The following ZBTB40 variants were observed in gnomAD, a reference collection of about 807,000 sequenced individuals.
ZBTB40 encodes zinc finger and BTB domain containing 40, also known as zinc finger and BTB domain-containing protein 40.
Under a neutral mutation model 117.5 loss-of-function variants are expected in ZBTB40, and 60 were observed. The observed-to-expected ratio is 0.51, with a 90% CI of 0.41 to 0.63. The LOEUF (loss-of-function observed/expected upper bound fraction) is 0.63. Ranked by LOEUF, ZBTB40 falls within the 30% of genes least tolerant of loss-of-function variation. The probability of loss-of-function intolerance (pLI) is 0.00; values close to 1 mark genes in which losing one functional copy is unlikely to be tolerated. For synonymous variants in ZBTB40, 525 were observed against 577.1 expected (o/e 0.91, Z 1.29); for missense variants, 1,287 against 1,498.5 (o/e 0.86, Z 2.33).
At chr1:22,488,819 G>T (rs1377269700) in intron 1 of ZBTB40, among the ~76,000 whole-genome samples, 1 of 152,186 alleles carries the variant, frequency 6.6e-6, no homozygotes, top group African/African-American at 2.4e-5. Context: ...GTAGCAGTAG[G>T]GGAGGATGGA....
At chr1:22,452,596 C>T (rs773199587) in intron 1 of ZBTB40, 2 of 152,288 alleles carry the variant, frequency 1.3e-5, no homozygotes, top group African/African-American at 4.8e-5. Context: ...GTTGCGCAGC[C>T]GTTGCTTGGC....
chr1:22,498,037 A>T (rs544808269), intron 3 of ZBTB40, among the ~76,000 whole-genome samples: 1 of 152,350 alleles, frequency 6.6e-6, no homozygotes, highest in African/African-American at 2.4e-5. Context: ...AAGTCAACTC[A>T]GTTAAAAGGC....
At chr1:22,433,040 C>T (rs1302030321) in intron 1 of ZBTB40, among the ~76,000 whole-genome samples, 1 of 152,150 alleles carries the variant, frequency 6.6e-6, no homozygotes, top group Admixed American at 6.6e-5. Flanking sequence ...ACCATGCAGT[C>T]AGCCTTCTGT....
chr1:22,479,913 G>T (rs1210446035), intron 1 of ZBTB40, among the ~76,000 whole-genome samples: 1 of 151,766 alleles, frequency 6.6e-6, no homozygotes, highest in Non-Finnish European at 1.5e-5. Flanking sequence ...TAAGTTCTTT[G>T]TTTTTTTGGG....
At chr1:22,501,758 C>G in intron 4 of ZBTB40, 74 bp downstream of exon 4, 1 of 1,490,478 alleles carries the variant, frequency 6.7e-7, no homozygotes, top group Non-Finnish European at 9.2e-7. Context: ...GTTCCAATGA[C>G]ATGTTTCTTT....
intron 1 of ZBTB40, among the ~76,000 whole-genome samples, chr1:22,444,831 G>A (rs554431179): frequency 6.7e-4 from 102 of 152,304 alleles, no homozygotes; most frequent in African/African-American, 2.3e-3. Context: ...CAAGTCACCC[G>A]CTTGGTCCTC....
At chr1:22,465,316 G>T (rs762510049) in intron 1 of ZBTB40, among the ~76,000 whole-genome samples, 2 of 152,164 alleles carry the variant, frequency 1.3e-5, no homozygotes, top group Non-Finnish European at 2.9e-5. Flanking sequence ...GAAGTTCTCA[G>T]CAGAGAGGGT....
Position 22,526,731 on chromosome 1 carries a change from C to T in ZBTB40, c.*335C>T, listed in dbSNP as rs1639689661. ...AGAGCAGTGGGATGGGAGCTGGTGA[C>T]CAGGGTACCCCAGGAGGCATGATGT... is the stretch of plus-strand genomic sequence containing the variant. On this transcript the variant is annotated 3_prime_UTR_variant, in exon 18 of 18. Transcript: ENST00000375647. 2.8e-6 allele frequency: 1 copy of T among 360,140 alleles called. No homozygotes were observed. The allele number at this position is 360,140 out of a possible 1,614,324, so 22.3% of individuals were successfully genotyped here.
rs762360366 is a variant in ZBTB40, at chr1:22,508,576, A to G, written c.1544A>G (p.Asn515Ser). 4.6e-5 allele frequency: 75 copies of G among 1,614,094 alleles called. No individual in the cohort carries two copies. The highest frequency in any genetic ancestry group is 6.2e-5 in the Non-Finnish European group (73 of 1,180,042). ...VKRDSGSGGF[N>S]SLISAVLEKQ... ...CGTGACTCTGGTTCAGGTGGTTTCA[A>G]TTCTCTGATATCAGCAGTTCTAGAA... The change falls in exon 8 of 18, where the codon AAT becomes AGT. Residue 515 changes from asparagine (N) to serine (S), a missense_variant. Physicochemically the swap from Asn to Ser is conservative, Grantham distance 46. Coordinates refer to ENST00000375647, the MANE Select transcript of ZBTB40 (RefSeq NM_014870.4).
intron 1 of ZBTB40, among the ~76,000 whole-genome samples, chr1:22,478,437 C>G (rs944472150): frequency 1.3e-5 from 2 of 151,990 alleles, no homozygotes; most frequent in Non-Finnish European, 2.9e-5. Context: ...TTAGTAGAGA[C>G]GGGGTTTCAC....
At chr1:22,496,116 C>T (rs1187308593) in intron 3 of ZBTB40, among the ~76,000 whole-genome samples, 1 of 152,228 alleles carries the variant, frequency 6.6e-6, no homozygotes, top group Admixed American at 6.5e-5. Flanking sequence ...CAATGAGACA[C>T]AGTGGATGAT....
intron 1 of ZBTB40, chr1:22,452,860 G>T: frequency 6.6e-6 from 1 of 152,324 alleles, no homozygotes. Flanking sequence ...GAATAGCGTT[G>T]GTACCATGCA....
At chr1:22,484,352 T>C (rs182651322) in intron 1 of ZBTB40, among the ~76,000 whole-genome samples, 4 of 152,362 alleles carry the variant, frequency 2.6e-5, no homozygotes, top group Admixed American at 2.0e-4. Context: ...TTTCTTCATA[T>C]AGATCTTGTA....
chr1:22,441,763 A>G (rs929532316), intron 1 of ZBTB40, among the ~76,000 whole-genome samples: 2 of 152,114 alleles, frequency 1.3e-5, no homozygotes, highest in African/African-American at 4.8e-5. Context: ...CATTACAGAC[A>G]TGAGCCACTG....
chr1:22,488,925 G>A (rs536245120), intron 1 of ZBTB40, among the ~76,000 whole-genome samples: 7 of 152,076 alleles, frequency 4.6e-5, no homozygotes, highest in South Asian at 4.2e-4. Flanking sequence ...GGAAATTAGC[G>A]GTTGGATTTT....
intron 1 of ZBTB40, among the ~76,000 whole-genome samples, chr1:22,433,945 A>G (rs1640636391): frequency 6.6e-6 from 1 of 151,954 alleles, no homozygotes; most frequent in Non-Finnish European, 1.5e-5. Flanking sequence ...CTTTGTATAT[A>G]CATTCTTTAG....
At chr1:22,488,147 G>A (rs773781305) in intron 1 of ZBTB40, among the ~76,000 whole-genome samples, 2 of 152,084 alleles carry the variant, frequency 1.3e-5, no homozygotes, top group Non-Finnish European at 2.9e-5. Context: ...CTGTGTTTGT[G>A]TGTACAAATC....
At chr1:22,444,414 CAAAAT>C (rs1640766773) in intron 1 of ZBTB40, among the ~76,000 whole-genome samples, 2 of 152,044 alleles carry the variant, frequency 1.3e-5, no homozygotes, top group Admixed American at 1.3e-4. Flanking sequence ...GACTCCGTCT[CAAAAT>C]AAAATAAAAT....
intron 1 of ZBTB40, among the ~76,000 whole-genome samples, chr1:22,440,242 T>C (rs1418228784): frequency 6.6e-6 from 1 of 152,258 alleles, no homozygotes; most frequent in African/African-American, 2.4e-5. Flanking sequence ...CGGTTTTCTA[T>C]ATGTAAGATT....
Sources: allele counts gnomAD v4.1 joint callset (sites outside exome capture counted in the v4.1 genomes callset), GRCh38; gene constraint gnomAD v4.1.1; transcripts MANE v1.5; gene names NCBI Gene and HGNC (gene_info 2026-07-23, HGNC 2026-07-21).